URI1: variants seen among roughly 807,000 people sequenced by gnomAD.
URI1 encodes unconventional prefoldin RPB5 interactor 1.
A neutral mutation model predicts 60.2 loss-of-function variants in URI1; 39 were observed. That is an observed-to-expected ratio of 0.65 (90% CI 0.50 to 0.85). URI1 has a LOEUF of 0.85. URI1 is among the 40% of genes least tolerant of loss of function. The pLI is 0.00. For missense variants in URI1, 691 were observed against 665.9 expected (o/e 1.04, Z -0.42); for synonymous variants, 251 against 236.8 (o/e 1.06, Z -0.55).
At chr19:29,991,108 T>C (rs1325090918) in intron 4 of URI1, among the ~76,000 whole-genome samples, 4 of 152,174 alleles carry the variant, frequency 2.6e-5, no homozygotes, top group African/African-American at 7.2e-5. Context: ...CCTTTCCATA[T>C]ACATTTTAGA....
intron 1 of URI1, among the ~76,000 whole-genome samples, chr19:29,926,921 C>A (rs1465283446): frequency 6.6e-6 from 1 of 152,178 alleles, no homozygotes; most frequent in African/African-American, 2.4e-5. Flanking sequence ...CGGGAGAGCA[C>A]CTGCTTGTAC....
intron 2 of URI1, among the ~76,000 whole-genome samples, chr19:29,982,851 C>T (rs1327947309): frequency 2.0e-5 from 3 of 152,140 alleles, no homozygotes; most frequent in East Asian, 1.9e-4. Context: ...AGTAGTTGCT[C>T]CATGCTGGGC....
At chr19:29,960,794 C>A (rs1001350817) in intron 1 of URI1, among the ~76,000 whole-genome samples, 1 of 151,932 alleles carries the variant, frequency 6.6e-6, no homozygotes, top group African/African-American at 2.4e-5. Context: ...TTCTATTAGA[C>A]GTACATTGTA....
At chr19:29,956,384 CT>C in intron 1 of URI1, 1 of 1,354,918 alleles carries the variant, frequency 7.4e-7, no homozygotes, top group South Asian at 1.2e-5. Flanking sequence ...CTGGCATCTT[CT>C]TTCTGTAGCT....
intron 1 of URI1, among the ~76,000 whole-genome samples, chr19:29,961,670 T>G (rs1278959080): frequency 3.5e-5 from 2 of 56,594 alleles, no homozygotes; most frequent in African/African-American, 6.2e-5. Context: ...GATTCTTTTT[T>G]TTTTGTTTTT....
intron 1 of URI1, among the ~76,000 whole-genome samples, chr19:29,945,325 C>G (rs1441725674): frequency 6.6e-6 from 1 of 152,112 alleles, no homozygotes; most frequent in Non-Finnish European, 1.5e-5. Context: ...TAGTTTTGCT[C>G]TTTCTTTTTT....
chr19:29,942,544 C>G lies in URI1; in HGVS notation c.-4C>G, dbSNP rs932313666. 3.6e-6 allele frequency: 5 copies of G among 1,404,834 alleles called. No homozygotes were observed. The highest frequency in any genetic ancestry group is 4.6e-6 in the Non-Finnish European group (5 of 1,079,854). 87.0% of individuals were successfully genotyped at this position (1,404,834 alleles called of 1,614,324 possible). On this transcript the variant is annotated 5_prime_UTR_variant, in exon 1 of 11. Transcript: ENST00000392271. Reference sequence around the variant, plus strand: ...CACGCCGCGCTGAGGCCCGCGGGCCCGTCATGGAGGCGCCCACCGTGGAGA... The same window carrying G: ...CACGCCGCGCTGAGGCCCGCGGGCCGGTCATGGAGGCGCCCACCGTGGAGA...
At chr19:29,992,864 T>C (rs2055764028) in intron 4 of URI1, among the ~76,000 whole-genome samples, 2 of 152,206 alleles carry the variant, frequency 1.3e-5, no homozygotes, top group South Asian at 4.1e-4. Flanking sequence ...ATAGAATGAC[T>C]TGAAATTCTA....
chr19:29,929,307 A>G (rs385680), intron 1 of URI1, among the ~76,000 whole-genome samples: 150 of 152,152 alleles, frequency 9.9e-4, no homozygotes, highest in African/African-American at 3.4e-3. Flanking sequence ...AATTAAAAAA[A>G]AATTTAAGGC....
At chr19:29,970,433 AAT>A (rs1482572321) in intron 1 of URI1, among the ~76,000 whole-genome samples, 1 of 152,086 alleles carries the variant, frequency 6.6e-6, no homozygotes, top group Non-Finnish European at 1.5e-5. Flanking sequence ...GTCATTCAAA[AAT>A]AGTGTTATTT....
At chr19:29,941,593 C>A (rs1038174576), upstream of URI1, among the ~76,000 whole-genome samples, 3 of 150,736 alleles carry the variant, frequency 2.0e-5, no homozygotes, top group Admixed American at 1.3e-4. Context: ...TGCACTCCAG[C>A]CCGGGCGACA....
chr19:29,979,797 A>G (rs1486910877), intron 2 of URI1, among the ~76,000 whole-genome samples: 1 of 152,190 alleles, frequency 6.6e-6, no homozygotes, highest in Admixed American at 6.5e-5. Context: ...ATAAAAAAGG[A>G]ATATACCACC....
intron 1 of URI1, among the ~76,000 whole-genome samples, chr19:29,968,827 TCC>T (rs2055423257): frequency 6.6e-6 from 1 of 151,886 alleles, no homozygotes; most frequent in African/African-American, 2.4e-5. Flanking sequence ...CACCTCAGCC[TCC>T]CAAAGTGCTG....
At chr19:29,967,190 C>T (rs1254521818) in intron 1 of URI1, among the ~76,000 whole-genome samples, 3 of 152,200 alleles carry the variant, frequency 2.0e-5, no homozygotes, top group African/African-American at 7.2e-5. Flanking sequence ...TTATTCCTGT[C>T]TTCCATATAA....
intron 1 of URI1, among the ~76,000 whole-genome samples, chr19:29,968,831 A>G (rs2055423358): frequency 6.6e-6 from 1 of 151,790 alleles, no homozygotes; most frequent in Non-Finnish European, 1.5e-5. Flanking sequence ...TCAGCCTCCC[A>G]AAGTGCTGGG....
Position 29,970,199 on chromosome 19 carries a change from A to C in URI1, c.118-994A>C, listed in dbSNP as rs573580594. Among the ~76,000 whole-genome samples the C allele has an allele frequency of 1.4e-3, 200 of 146,496 alleles. 2 individuals carry two copies. The highest frequency in any genetic ancestry group is 4.5e-3 in the African/African-American group (176 of 39,306). On this transcript the variant is annotated intron_variant, in intron 1 of 10. Transcript: ENST00000392271. Reference sequence around the variant, plus strand: ...AAACATTGAGCATATACAAGAGACAATATTGGTATTTAGAGCAGTGAACTA... The same window carrying C: ...AAACATTGAGCATATACAAGAGACACTATTGGTATTTAGAGCAGTGAACTA...
At chr19:29,941,663 T>G (rs1599654628), upstream of URI1, among the ~76,000 whole-genome samples, 1 of 151,678 alleles carries the variant, frequency 6.6e-6, no homozygotes. Context: ...GGCAAAGTTA[T>G]CCTTGGAAAA....
intron 1 of URI1, chr19:29,956,638 A>G (rs763741037): frequency 1.3e-6 from 2 of 1,518,462 alleles, no homozygotes; most frequent in East Asian, 4.5e-5. Context: ...TTTTTCACCC[A>G]AGAAATTTCG....
chr19:29,930,237 T>C (rs1167578399), intron 1 of URI1, among the ~76,000 whole-genome samples: 1 of 152,082 alleles, frequency 6.6e-6, no homozygotes, highest in African/African-American at 2.4e-5. Flanking sequence ...ATGAGCCCGG[T>C]TGATAGTGTC....
Sources: allele counts gnomAD v4.1 joint callset (sites outside exome capture counted in the v4.1 genomes callset), GRCh38; gene constraint gnomAD v4.1.1; transcripts MANE v1.5; gene names NCBI Gene and HGNC (gene_info 2026-07-23, HGNC 2026-07-21).